Variants in UNC13C observed in about 807,000 individuals in gnomAD.
The protein encoded by UNC13C is unc-13 homolog C, also known as protein unc-13 homolog C.
In UNC13C, 174 loss-of-function variants were observed where a neutral mutation model predicts 245.4. The observed-to-expected ratio is 0.71, with a 90% CI of 0.63 to 0.80. The LOEUF is 0.80. UNC13C is among the 30% of genes least tolerant of loss of function. The pLI, the probability that UNC13C is intolerant of heterozygous loss-of-function variation, is 0.00. For missense variants in UNC13C, 2,829 were observed against 2,602.9 expected, an observed-to-expected ratio of 1.09 and a Z score of -1.89; for synonymous variants, 992 against 895.1, an observed-to-expected ratio of 1.11 and a Z score of -1.93.
the UNC13C span, among the ~76,000 whole-genome samples, chr15:53,881,491 A>G: frequency 6.6e-6 from 1 of 152,216 alleles, no homozygotes; most frequent in East Asian, 1.9e-4. Context: ...AGCCACTTTA[A>G]GTCAGGTTGC....
chr15:54,147,525 AACT>A (rs2032319984), intron 4 of UNC13C, among the ~76,000 whole-genome samples: 1 of 151,984 alleles, frequency 6.6e-6, no homozygotes, highest in Non-Finnish European at 1.5e-5. Context: ...AGCCTGATGA[AACT>A]ACTTTTATTC....
At chr15:54,436,648 C>T (rs919307012) in intron 19 of UNC13C, among the ~76,000 whole-genome samples, 1 of 151,856 alleles carries the variant, frequency 6.6e-6, no homozygotes, top group Admixed American at 6.6e-5. Context: ...GAACATCACA[C>T]ACCAGGGCCT....
At chr15:54,391,159 G>A (rs903537872) in intron 17 of UNC13C, among the ~76,000 whole-genome samples, 2 of 152,008 alleles carry the variant, frequency 1.3e-5, no homozygotes, top group African/African-American at 2.4e-5. Flanking sequence ...CACATATCAT[G>A]TGTAATAATT....
chr15:54,418,140 CT>C (rs1328640018), intron 19 of UNC13C, among the ~76,000 whole-genome samples: 1 of 152,088 alleles, frequency 6.6e-6, no homozygotes, highest in African/African-American at 2.4e-5. Flanking sequence ...AATAGTAAAG[CT>C]TTAGCTCATC....
At chr15:53,941,949 T>C in the UNC13C span, among the ~76,000 whole-genome samples, 1 of 152,184 alleles carries the variant, frequency 6.6e-6, no homozygotes, top group Non-Finnish European at 1.5e-5. Context: ...ACTTTTACAT[T>C]GTTGGTGGGA....
At chr15:54,540,811 G>A (rs754782530) in intron 26 of UNC13C, among the ~76,000 whole-genome samples, 2 of 152,026 alleles carry the variant, frequency 1.3e-5, no homozygotes, top group Admixed American at 1.3e-4. Context: ...TCCGGTCTAA[G>A]CAGGGTTAGT....
chr15:53,843,617 G>T, the UNC13C span, among the ~76,000 whole-genome samples: 15 of 152,116 alleles, frequency 9.9e-5, no homozygotes, highest in Non-Finnish European at 2.2e-4. Context: ...GAGGTCTGAA[G>T]AGGATACTAT....
chr15:54,396,101 T>C (rs566171551), intron 18 of UNC13C, among the ~76,000 whole-genome samples: 2 of 151,828 alleles, frequency 1.3e-5, no homozygotes, highest in South Asian at 4.1e-4. Flanking sequence ...AACAGGTTTA[T>C]TGAGGTATAA....
intron 29 of UNC13C, among the ~76,000 whole-genome samples, chr15:54,565,172 A>T (rs189515759): frequency 6.2e-4 from 95 of 152,064 alleles, no homozygotes; most frequent in African/African-American, 2.2e-3. Context: ...GTATTTTCAA[A>T]TCATTTTTCT....
chr15:54,605,681 G>T (rs1899731892), intron 30 of UNC13C, among the ~76,000 whole-genome samples: 1 of 152,128 alleles, frequency 6.6e-6, no homozygotes, highest in African/African-American at 2.4e-5. Flanking sequence ...TGAAATGCAG[G>T]TGCCCAGTGA....
chr15:54,383,481 A>T (rs545638186), intron 17 of UNC13C, among the ~76,000 whole-genome samples: 1 of 152,068 alleles, frequency 6.6e-6, no homozygotes, highest in Non-Finnish European at 1.5e-5. Context: ...TTCTTTTATA[A>T]CAACGGTGAG....
intron 10 of UNC13C, among the ~76,000 whole-genome samples, chr15:54,287,589 T>G (rs1440181369): frequency 6.6e-6 from 1 of 152,200 alleles, no homozygotes; most frequent in Non-Finnish European, 1.5e-5. Flanking sequence ...TATCTTCCTA[T>G]TTTAACATTT....
intron 1 of UNC13C, among the ~76,000 whole-genome samples, chr15:54,000,107 C>A (rs950893929): frequency 5.3e-5 from 8 of 152,044 alleles, no homozygotes; most frequent in Non-Finnish European, 1.0e-4. Flanking sequence ...TTGCTTGAGA[C>A]AAGCAATTCT....
chr15:54,153,149 A>G (rs1319679811), intron 4 of UNC13C, among the ~76,000 whole-genome samples: 1 of 152,170 alleles, frequency 6.6e-6, no homozygotes, highest in Non-Finnish European at 1.5e-5. Flanking sequence ...ACTTGCTCAA[A>G]GAACTGCACT....
chr15:54,242,940 C>T (rs1033374209), intron 7 of UNC13C, among the ~76,000 whole-genome samples: 1 of 152,142 alleles, frequency 6.6e-6, no homozygotes, highest in African/African-American at 2.4e-5. Context: ...CCCTCCTCAC[C>T]TTTGTTTTAT....
chr15:54,085,927 G>A (rs927024070), intron 2 of UNC13C, among the ~76,000 whole-genome samples: 3 of 152,094 alleles, frequency 2.0e-5, no homozygotes, highest in African/African-American at 7.2e-5. Context: ...AGACATGTTT[G>A]GCCCCTCCTT....
Position 54,627,352 on chromosome 15 carries a change from A to ATGTT in UNC13C, c.*241_*244dup. ...TGAAATATCAAGAACACCTTTTAAC[A>ATGTT]TGTTTATTTTGTTTCTTTACCCATT... On this transcript the variant is annotated 3_prime_UTR_variant, in exon 33 of 33. Coordinates refer to ENST00000260323, the MANE Select transcript of UNC13C (RefSeq NM_001080534.3). 1 of 349,932 alleles carries ATGTT rather than the reference A, an allele frequency of 2.9e-6. No homozygotes were observed. The highest frequency in any genetic ancestry group is 4.4e-5 in the East Asian group (1 of 22,734). The allele number at this position is 349,932 out of a possible 1,614,324, so 21.7% of individuals were successfully genotyped here.
intron 19 of UNC13C, among the ~76,000 whole-genome samples, chr15:54,482,412 C>T (rs567423648): frequency 6.6e-6 from 1 of 152,288 alleles, no homozygotes; most frequent in Non-Finnish European, 1.5e-5. Flanking sequence ...CTATTCCAGT[C>T]TCAGGGCCTG....
intron 1 of UNC13C, among the ~76,000 whole-genome samples, chr15:53,994,584 G>C (rs141975777): frequency 1.2e-3 from 182 of 151,998 alleles, no homozygotes; most frequent in Non-Finnish European, 2.2e-3. Flanking sequence ...AAGCATCTAT[G>C]TTCTAGTCTG....
Sources: gnomAD v4.1 joint callset for allele counts (sites outside exome capture counted in the v4.1 genomes callset) on GRCh38, gnomAD v4.1.1 for gene constraint, MANE v1.5 for transcripts, NCBI Gene and HGNC (gene_info 2026-07-23, HGNC 2026-07-21) for gene names.